Variants in SYT14 observed in about 807,000 individuals in gnomAD.
SYT14 encodes synaptotagmin-14.
A neutral mutation model predicts 74.2 loss-of-function variants in SYT14; 32 were observed. The observed-to-expected ratio is 0.43, with a 90% CI of 0.33 to 0.58. The LOEUF (loss-of-function observed/expected upper bound fraction) is 0.58, where lower values mean the gene tolerates loss of function less well. Among genes scored for constraint, SYT14 ranks in the 20% least tolerant of loss-of-function variants. The pLI, the probability that SYT14 is intolerant of heterozygous loss-of-function variation, is 0.05. For synonymous variants in SYT14, 298 were observed against 337.7 expected, an observed-to-expected ratio of 0.88 and a Z score of 1.29; for missense variants, 791 against 981.8, an observed-to-expected ratio of 0.81 and a Z score of 2.60.
At chr1:209,961,287 T>G (rs1240041851) in intron 2 of SYT14, among the ~76,000 whole-genome samples, 1 of 152,168 alleles carries the variant, frequency 6.6e-6, no homozygotes, top group African/African-American at 2.4e-5. Flanking sequence ...TCTGACTTTT[T>G]GGGGGCTGGG....
At chr1:210,068,378 A>G (rs537368401) in intron 5 of SYT14, among the ~76,000 whole-genome samples, 7 of 151,674 alleles carry the variant, frequency 4.6e-5, no homozygotes, top group South Asian at 2.1e-4. Flanking sequence ...TTCTCTTGCT[A>G]TCTTTGTTTG....
At chr1:209,981,450 C>CTTTTTTTTTTTTTTTTTTTTTTTTTTCT (rs1183885685) in intron 2 of SYT14, among the ~76,000 whole-genome samples, 12 of 99,050 alleles carry the variant, frequency 1.2e-4, no homozygotes, top group East Asian at 3.2e-4. Context: ...TTTTTCTTTT[C>CTTTTTTTTTTTTTTTTTTTTTTTTTTCT]TTTTTTTTTT....
At chr1:210,073,850 C>A (rs1247821185) in intron 5 of SYT14, among the ~76,000 whole-genome samples, 1 of 151,966 alleles carries the variant, frequency 6.6e-6, no homozygotes, top group Admixed American at 6.5e-5. Context: ...AAAATAAAAT[C>A]TTTGGTATGT....
intron 5 of SYT14, among the ~76,000 whole-genome samples, chr1:210,031,089 C>CT (rs35900057): frequency 0.36 from 37,488 of 104,248 alleles, 7,530 homozygotes; most frequent in Non-Finnish European, 0.44. Context: ...CCATGCCTGT[C>CT]TTTTTTTTTT....
rs147732311 is a variant in SYT14 at position 210,112,649 on chromosome 1, C to T, written c.2034+12188C>T. Among the ~76,000 whole-genome samples the T allele has an allele frequency of 9.5e-3, 1,445 of 151,438 alleles. 25 individuals carry two copies. Among genetic ancestry groups the T allele is most frequent in the Non-Finnish European group, 0.013 (852 of 68,014 alleles). On this transcript the variant is annotated intron_variant, in intron 7 of 9. Transcript: ENST00000637265. ...TTGTCAGCAGAAGTGTTGCCCTGAGCGATGGGATCTGATGCCTTTTGATGG... is the reference window on the plus strand; with the variant it reads ...TTGTCAGCAGAAGTGTTGCCCTGAGTGATGGGATCTGATGCCTTTTGATGG...
At chr1:209,960,821 A>T (rs1014490695) in intron 2 of SYT14, among the ~76,000 whole-genome samples, 1 of 152,298 alleles carries the variant, frequency 6.6e-6, no homozygotes, top group East Asian at 1.9e-4. Flanking sequence ...TATCTGTTCA[A>T]TTCTGATAGT....
chr1:210,034,205 T>G (rs2080603576), intron 5 of SYT14, among the ~76,000 whole-genome samples: 1 of 151,722 alleles, frequency 6.6e-6, no homozygotes. Context: ...GGAACTTAGG[T>G]CTAAGGTTAA....
chr1:210,151,464 C>G (rs1043896752), intron 7 of SYT14, among the ~76,000 whole-genome samples: 1 of 149,776 alleles, frequency 6.7e-6, no homozygotes, highest in African/African-American at 2.5e-5. Flanking sequence ...AAGTGGTTCT[C>G]TTCTGTCAGC....
exon 10 of SYT14, chr1:210,161,999 A>G (rs1432328091): frequency 2.2e-6 from 1 of 453,824 alleles, no homozygotes; most frequent in East Asian, 6.9e-5. Flanking sequence ...TGCTCTGAGT[A>G]TTTAGTAACC....
At chr1:210,013,758 T>C in exon 3 of SYT14, 1 of 1,613,058 alleles carries the variant, frequency 6.2e-7, no homozygotes, top group Non-Finnish European at 8.5e-7. Flanking sequence ...AGATCTTGGT[T>C]CAGAATACAG....
At chr1:209,941,216 T>C (rs1471234335) in intron 1 of SYT14, among the ~76,000 whole-genome samples, 2 of 152,182 alleles carry the variant, frequency 1.3e-5, no homozygotes, top group African/African-American at 4.8e-5. Flanking sequence ...TTCCTCCTTT[T>C]ATCAGTCAGA....
At chr1:210,121,115 T>C (rs1432096790) in intron 7 of SYT14, among the ~76,000 whole-genome samples, 1 of 152,222 alleles carries the variant, frequency 6.6e-6, no homozygotes, top group Admixed American at 6.5e-5. Flanking sequence ...CCTCATTTTC[T>C]TCATTTGTAA....
exon 10 of SYT14, chr1:210,167,612 A>G (rs2083469601): frequency 6.6e-6 from 1 of 152,138 alleles, no homozygotes; most frequent in Non-Finnish European, 1.5e-5. Context: ...AAATGAGCTT[A>G]TTTGAATATG....
chr1:210,124,721 C>T (rs2082532452), intron 7 of SYT14, among the ~76,000 whole-genome samples: 1 of 152,186 alleles, frequency 6.6e-6, no homozygotes, highest in African/African-American at 2.4e-5. Context: ...AAACACAACA[C>T]TATTATGGGT....
chr1:210,099,515 A>C (rs1215079597), intron 6 of SYT14, among the ~76,000 whole-genome samples: 1 of 152,176 alleles, frequency 6.6e-6, no homozygotes, highest in Non-Finnish European at 1.5e-5. Context: ...TTTAAGTCTA[A>C]ATATCTTTAT....
chr1:210,088,634 A>G (rs1004054176), intron 5 of SYT14, among the ~76,000 whole-genome samples: 2 of 151,980 alleles, frequency 1.3e-5, no homozygotes, highest in Non-Finnish European at 2.9e-5. Flanking sequence ...GCACATATAT[A>G]CCATGGAATA....
chr1:210,036,790 C>A (rs907072371), intron 5 of SYT14, among the ~76,000 whole-genome samples: 1 of 151,942 alleles, frequency 6.6e-6, no homozygotes, highest in Non-Finnish European at 1.5e-5. Flanking sequence ...CCCACTTGAT[C>A]GTGGTGTATT....
chr1:210,080,309 A>G (rs1265957714), intron 5 of SYT14, among the ~76,000 whole-genome samples: 1 of 152,214 alleles, frequency 6.6e-6, no homozygotes, highest in African/African-American at 2.4e-5. Context: ...TTTCAGAATC[A>G]TAATTTAGAG....
intron 7 of SYT14, among the ~76,000 whole-genome samples, chr1:210,121,125 A>G (rs1427061933): frequency 2.6e-5 from 4 of 152,168 alleles, no homozygotes; most frequent in African/African-American, 7.2e-5. Flanking sequence ...TTCATTTGTA[A>G]AAAGAGATAG....
Sources: allele counts gnomAD v4.1 joint callset (sites outside exome capture counted in the v4.1 genomes callset), GRCh38; gene constraint gnomAD v4.1.1; transcripts MANE v1.5; gene names NCBI Gene and HGNC (gene_info 2026-07-23, HGNC 2026-07-21).